Variants in BCAS3 observed in about 807,000 individuals in gnomAD.
BCAS3 encodes BCAS4/BCAS3 fusion.
Under a neutral mutation model 116.1 loss-of-function variants are expected in BCAS3, and 53 were observed. The ratio of observed to expected loss-of-function variants is 0.46; its 90% CI spans 0.37 to 0.57. The LOEUF (loss-of-function observed/expected upper bound fraction) is 0.57. BCAS3 is among the 20% of genes least tolerant of loss of function. BCAS3 has a pLI of 0.00. For missense variants in BCAS3, 917 were observed against 1,165.4 expected, an observed-to-expected ratio of 0.79 and a Z score of 3.10; for synonymous variants, 391 against 408.2, an observed-to-expected ratio of 0.96 and a Z score of 0.51.
intron 19 of BCAS3, among the ~76,000 whole-genome samples, chr17:61,060,902 G>C (rs2034786960): frequency 6.8e-6 from 1 of 147,414 alleles, no homozygotes; most frequent in Non-Finnish European, 1.5e-5. Flanking sequence ...GTGATTTGTG[G>C]AGATCTCTGT....
intron 13 of BCAS3, among the ~76,000 whole-genome samples, chr17:60,939,551 G>C (rs1349126199): frequency 6.6e-6 from 1 of 152,180 alleles, no homozygotes; most frequent in Non-Finnish European, 1.5e-5. Context: ...ACTGCTACTT[G>C]TAGCAAATAG....
At chr17:60,732,710 G>A (rs1052434290) in intron 5 of BCAS3, among the ~76,000 whole-genome samples, 2 of 152,016 alleles carry the variant, frequency 1.3e-5, no homozygotes, top group Non-Finnish European at 2.9e-5. Context: ...GTGGTGGTGC[G>A]CACCTGTAGT....
chr17:61,263,013 G>A (rs565473041), intron 22 of BCAS3, among the ~76,000 whole-genome samples: 2 of 152,154 alleles, frequency 1.3e-5, no homozygotes, highest in Non-Finnish European at 2.9e-5. Flanking sequence ...ATATTTAAAG[G>A]CTGTCAATTA....
chr17:60,733,554 T>C (rs922493609), intron 5 of BCAS3, among the ~76,000 whole-genome samples: 2 of 152,084 alleles, frequency 1.3e-5, no homozygotes, highest in African/African-American at 2.4e-5. Flanking sequence ...AAATACTGGA[T>C]GTTTGGTTGG....
intron 7 of BCAS3, among the ~76,000 whole-genome samples, chr17:60,813,603 C>T (rs889136461): frequency 3.9e-5 from 6 of 152,144 alleles, no homozygotes; most frequent in Non-Finnish European, 7.3e-5. Flanking sequence ...ACTGTGCATC[C>T]AACAAAGGTC....
At position 61,377,475 on chromosome 17, in the gene BCAS3, G is replaced by A. The variant is rs1013803578; in HGVS notation, c.2593+8981G>A. On this transcript the variant is annotated intron_variant, in intron 23 of 23. Transcript: ENST00000407086. The surrounding 1 kb of genome is among the most constrained non-coding windows in gnomAD (Gnocchi z 4.6). The stretch of plus-strand genomic sequence containing the variant: ...TTTCAGTTCCCAGCACCAAGCTCCC[G>A]CTATTGGGAAGAATGTGGTGTTTTT... Among the ~76,000 whole-genome samples the A allele has an allele frequency of 3.3e-5, 5 of 152,232 alleles. No homozygotes were observed. Among genetic ancestry groups the A allele is most frequent in the Non-Finnish European group, 4.4e-5 (3 of 68,044 alleles).
chr17:60,809,747 G>T (rs146722809), intron 7 of BCAS3, among the ~76,000 whole-genome samples: 8 of 152,304 alleles, frequency 5.3e-5, no homozygotes, highest in Non-Finnish European at 1.2e-4. Context: ...ATGAAAAAGG[G>T]TCCAGGGGGA....
At chr17:61,382,930 A>AC (rs971297309) in intron 23 of BCAS3, 1 of 152,364 alleles carries the variant, frequency 6.6e-6, no homozygotes, top group African/African-American at 2.4e-5. Flanking sequence ...GAAACAGGGC[A>AC]CCCCCTCTCA....
intron 9 of BCAS3, among the ~76,000 whole-genome samples, chr17:60,876,008 G>A (rs556922316): frequency 2.0e-5 from 3 of 151,756 alleles, no homozygotes; most frequent in African/African-American, 4.8e-5. Context: ...TATTATCTAC[G>A]TCTGAAAGAT....
At position 61,355,440 on chromosome 17, in the gene BCAS3, G is replaced by T. The variant is rs2058089071; in HGVS notation, c.2426-12887G>T. On this transcript the variant is annotated intron_variant, in intron 22 of 23. Transcript: ENST00000407086. This position sits in a 1 kb window ranked among gnomAD's most constrained non-coding sequence, Gnocchi z 4.2. ...AAAAATTCTGGAATGGAAAGACTGA[G>T]CTGAAAACCCCCTCGCTGGCACTCC... Among the ~76,000 whole-genome samples, 1 of 151,664 alleles carries T rather than the reference G, an allele frequency of 6.6e-6. No individual in the cohort carries two copies. Among genetic ancestry groups the T allele is most frequent in the South Asian group, 2.1e-4 (1 of 4,800 alleles).
chr17:60,730,007 C>A (rs987383909), intron 5 of BCAS3, among the ~76,000 whole-genome samples: 2 of 152,158 alleles, frequency 1.3e-5, no homozygotes, highest in African/African-American at 2.4e-5. Flanking sequence ...TTTTGACTAC[C>A]AAAGTGTTAG....
intron 22 of BCAS3, among the ~76,000 whole-genome samples, chr17:61,237,093 C>A (rs956987533): frequency 2.0e-5 from 3 of 152,090 alleles, no homozygotes; most frequent in African/African-American, 7.2e-5. Flanking sequence ...GAAAGGTTAC[C>A]ATACTGAGAG....
chr17:60,951,079 A>T (rs920797073), intron 14 of BCAS3, among the ~76,000 whole-genome samples: 1 of 152,128 alleles, frequency 6.6e-6, no homozygotes, highest in Admixed American at 6.5e-5. Context: ...AAAATTTGTC[A>T]TTGCTGTGGT....
chr17:61,305,714 G>A (rs2053799179), intron 22 of BCAS3, among the ~76,000 whole-genome samples: 1 of 152,084 alleles, frequency 6.6e-6, no homozygotes, highest in African/African-American at 2.4e-5. Context: ...TGGGCAACAT[G>A]GTGAAACCCC....
At chr17:61,147,318 C>T (rs936856426) in intron 22 of BCAS3, among the ~76,000 whole-genome samples, 2 of 151,954 alleles carry the variant, frequency 1.3e-5, no homozygotes, top group African/African-American at 2.4e-5. Flanking sequence ...TCAGGTAATC[C>T]GCCCGCCTCA....
intron 14 of BCAS3, among the ~76,000 whole-genome samples, chr17:60,975,367 C>T (rs1013102502): frequency 5.9e-5 from 9 of 152,202 alleles, no homozygotes; most frequent in Non-Finnish European, 1.2e-4. Flanking sequence ...TAAAAATGCT[C>T]GTTTAGGCTT....
At chr17:60,762,983 T>C (rs2144361974) in intron 6 of BCAS3, among the ~76,000 whole-genome samples, 1 of 152,308 alleles carries the variant, frequency 6.6e-6, no homozygotes, top group Middle Eastern at 3.4e-3. Flanking sequence ...AGTTCACTCA[T>C]GATTTGGCTG....
intron 12 of BCAS3, among the ~76,000 whole-genome samples, chr17:60,921,698 G>T (rs562043428): frequency 6.6e-6 from 1 of 151,778 alleles, no homozygotes; most frequent in Non-Finnish European, 1.5e-5. Flanking sequence ...CTACTAGAGT[G>T]GGGAGGGAGG....
In BCAS3 at chr17:61,352,332, C is replaced by A. The variant is rs1372667846; in HGVS notation, c.2426-15995C>A. Among the ~76,000 whole-genome samples, 2 of 152,190 alleles carry A rather than the reference C, an allele frequency of 1.3e-5. No individual in the cohort carries two copies. Among genetic ancestry groups the A allele is most frequent in the Non-Finnish European group, 2.9e-5 (2 of 68,034 alleles). On this transcript the variant is annotated intron_variant, in intron 22 of 23. Coordinates refer to ENST00000407086, the MANE Select transcript of BCAS3 (RefSeq NM_017679.5). The surrounding 1 kb of genome is among the most constrained non-coding windows in gnomAD (Gnocchi z 4.7). ...GGCCCAAAGATAAAAAGATAGGTTT[C>A]TTTGCACACACAAACACACCCTGGG...
Sources: allele counts gnomAD v4.1 joint callset (sites outside exome capture counted in the v4.1 genomes callset), GRCh38; gene constraint gnomAD v4.1.1; non-coding constraint Gnocchi (gnomAD v3.1); transcripts MANE v1.5; gene names NCBI Gene and HGNC (gene_info 2026-07-23, HGNC 2026-07-21).